Variants in OR3A2 observed in about 807,000 individuals in gnomAD.
OR3A2 encodes olfactory receptor 3A2.
For synonymous variants in OR3A2, 126 were observed against 159.3 expected (o/e 0.79, Z 1.57); for missense variants, 318 against 392.8 (o/e 0.81, Z 1.61).
At chr17:3,372,840 A>AAGG (rs1567571683) in intron 2 of OR3A2, among the ~76,000 whole-genome samples, 35 of 98,106 alleles carry the variant, frequency 3.6e-4, no homozygotes, top group African/African-American at 1.4e-3. Flanking sequence ...GAGGGAGGAG[A>AAGG]AGGAGAAGGA....
chr17:3,310,456 T>C (rs756456605), intron 3 of OR3A2: 1 of 535,678 alleles, frequency 1.9e-6, no homozygotes, highest in South Asian at 1.4e-5. Flanking sequence ...CTCAGCATCC[T>C]GGCGGCCATC....
chr17:3,296,426 C>T (rs1248648229), intron 3 of OR3A2, among the ~76,000 whole-genome samples: 3 of 151,704 alleles, frequency 2.0e-5, no homozygotes, highest in Admixed American at 6.6e-5. Context: ...AGAAAAGGAA[C>T]CATAAGAAAA....
chr17:3,354,579 T>TAG (rs2049448838), intron 2 of OR3A2, among the ~76,000 whole-genome samples: 1 of 151,412 alleles, frequency 6.6e-6, no homozygotes. Context: ...TAATGATCCT[T>TAG]CAAAGTTCCG....
exon 2 of OR3A2, chr17:3,277,888 G>A (rs1567538804): frequency 2.8e-6 from 4 of 1,426,260 alleles, no homozygotes; most frequent in South Asian, 1.4e-5. Context: ...AATAGTTGTG[G>A]CTGAATTTTT....
intron 2 of OR3A2, among the ~76,000 whole-genome samples, chr17:3,347,248 T>C (rs2049373516): frequency 6.6e-6 from 1 of 152,058 alleles, no homozygotes; most frequent in African/African-American, 2.4e-5. Context: ...TCTTTTTTTT[T>C]TTATCATTAT....
At chr17:3,363,954 G>GC (rs1299470189) in intron 2 of OR3A2, among the ~76,000 whole-genome samples, 2 of 152,172 alleles carry the variant, frequency 1.3e-5, no homozygotes, top group South Asian at 4.1e-4. Context: ...CATGAGAACA[G>GC]CAAGGGGAAA....
intron 2 of OR3A2, among the ~76,000 whole-genome samples, chr17:3,341,702 T>C (rs1434395808): frequency 6.6e-6 from 1 of 152,230 alleles, no homozygotes; most frequent in Non-Finnish European, 1.5e-5. Context: ...TAACATTTTT[T>C]CTTTCATTTC....
At chr17:3,321,170 GCTCT>G (rs1245122876) in intron 3 of OR3A2, among the ~76,000 whole-genome samples, 2 of 151,284 alleles carry the variant, frequency 1.3e-5, no homozygotes, top group African/African-American at 2.4e-5. Context: ...TCATGATTTG[GCTCT>G]CTGTTTGTCT....
intron 2 of OR3A2, among the ~76,000 whole-genome samples, chr17:3,382,866 T>C (rs965519095): frequency 4.6e-5 from 7 of 152,184 alleles, no homozygotes; most frequent in African/African-American, 1.4e-4. Context: ...GTAGTGCTTA[T>C]TACATTGTGC....
intron 3 of OR3A2, chr17:3,310,484 C>G (rs1188899206): frequency 1.9e-6 from 1 of 535,596 alleles, no homozygotes; most frequent in East Asian, 5.4e-5. Flanking sequence ...AAACCAAACT[C>G]CACAGCCCCA....
rs368196668 is a variant in OR3A2 at position 3,379,951 on chromosome 17, C to T, written c.-179+3853G>A. Among the ~76,000 whole-genome samples, 181 of 152,328 alleles carry T rather than the reference C, an allele frequency of 1.2e-3. 1 individual carries two copies. The highest frequency in any genetic ancestry group is 4.2e-3 in the African/African-American group (174 of 41,570). ...TAGCACAAGAGAGGAGGGGAGGCTG[C>T]ACTAGCTGAGGACTGAGGAGTCCTC... is the stretch of plus-strand genomic sequence containing the variant. On this transcript the variant is annotated intron_variant, in intron 2 of 4. Coordinates refer to the OR3A2 transcript ENST00000573491.
At chr17:3,345,425 A>AGG (rs1234211642) in intron 2 of OR3A2, among the ~76,000 whole-genome samples, 4 of 84,744 alleles carry the variant, frequency 4.7e-5, no homozygotes, top group Non-Finnish European at 8.5e-5. Flanking sequence ...AAGGAAAGAG[A>AGG]GAGAGAGAGA....
exon 2 of OR3A2, chr17:3,278,410 T>G (rs770001810): frequency 1.2e-6 from 2 of 1,614,018 alleles, no homozygotes; most frequent in African/African-American, 2.7e-5. Flanking sequence ...CCACAGAAGT[T>G]GAGCGTGGAC....
chr17:3,332,671 C>G (rs572588058), intron 3 of OR3A2, among the ~76,000 whole-genome samples: 1 of 152,240 alleles, frequency 6.6e-6, no homozygotes, highest in Non-Finnish European at 1.5e-5. Flanking sequence ...CTGCGTCGCT[C>G]ACGCTGGGAG....
intron 2 of OR3A2, among the ~76,000 whole-genome samples, chr17:3,339,164 T>G (rs1017132062): frequency 1.3e-5 from 2 of 152,224 alleles, no homozygotes; most frequent in Non-Finnish European, 2.9e-5. Context: ...AAGGAGATTT[T>G]GGGCTGAGAT....
chr17:3,290,081 A>G (rs2048851696), intron 3 of OR3A2, among the ~76,000 whole-genome samples: 1 of 152,102 alleles, frequency 6.6e-6, no homozygotes, highest in Non-Finnish European at 1.5e-5. Flanking sequence ...CTGTTTAGAG[A>G]AAGAGAAAAC....
intron 2 of OR3A2, among the ~76,000 whole-genome samples, chr17:3,347,837 T>C (rs559293441): frequency 4.6e-5 from 7 of 152,340 alleles, no homozygotes; most frequent in African/African-American, 1.2e-4. Context: ...TCCACAATGG[T>C]TGAACTAGAT....
intron 2 of OR3A2, among the ~76,000 whole-genome samples, chr17:3,350,733 G>A (rs1222830352): frequency 1.3e-5 from 2 of 150,860 alleles, no homozygotes; most frequent in Admixed American, 6.6e-5. Context: ...ACAACCAAAA[G>A]AGAGAATTTT....
chr17:3,277,342 A>G (rs1301980654), exon 2 of OR3A2: 1 of 152,248 alleles, frequency 6.6e-6, no homozygotes, highest in African/African-American at 2.4e-5. Context: ...TTTTTAAAAA[A>G]CTTTTTAACA....
Sources: allele counts gnomAD v4.1 joint callset (sites outside exome capture counted in the v4.1 genomes callset), GRCh38; gene constraint gnomAD v4.1.1; transcripts MANE v1.5; gene names NCBI Gene and HGNC (gene_info 2026-07-23, HGNC 2026-07-21).